The following AMMECR1 variants were observed in gnomAD, a reference collection of about 807,000 sequenced individuals.
AMMECR1 encodes nuclear protein AMMECR1.
A neutral mutation model predicts 22.5 loss-of-function variants in AMMECR1; 3 were observed. That is an observed-to-expected ratio of 0.13 (90% CI 0.06 to 0.35). The LOEUF is 0.35. Ranked by LOEUF, AMMECR1 falls within the 10% of genes least tolerant of loss-of-function variation. The pLI is 1.00. For missense variants in AMMECR1, 235 were observed against 278.7 expected, an observed-to-expected ratio of 0.84 and a Z score of 1.12; for synonymous variants, 130 against 116.7, an observed-to-expected ratio of 1.11 and a Z score of -0.74.
chrX:110,377,363 C>A (rs1411962564), intron 2 of AMMECR1, among the ~76,000 whole-genome samples: 1 of 111,662 alleles, frequency 9.0e-6, no homozygotes, highest in Non-Finnish European at 1.9e-5. Flanking sequence ...AGCGAAACAC[C>A]GATACCTACA....
intron 2 of AMMECR1, among the ~76,000 whole-genome samples, chrX:110,241,878 G>T (rs1479493293): frequency 8.9e-6 from 1 of 111,814 alleles, no homozygotes; most frequent in Non-Finnish European, 1.9e-5. Context: ...TAATCATTAT[G>T]AAATAAATAT....
At chrX:110,264,450 T>C (rs775144229) in intron 2 of AMMECR1, 39 bp downstream of exon 2, 1 of 813,465 alleles carries the variant, frequency 1.2e-6, no homozygotes, top group Non-Finnish European at 1.8e-6. Context: ...AGTTTTTTTT[T>C]TTAATGTAAA....
At chrX:110,416,880 C>G (rs2068681300) in intron 2 of AMMECR1, among the ~76,000 whole-genome samples, 1 of 111,543 alleles carries the variant, frequency 9.0e-6, no homozygotes, top group Non-Finnish European at 1.9e-5. Context: ...GATTTCAGAG[C>G]TGAACCTCTC....
chrX:110,343,439 G>C (rs1299500698), intron 2 of AMMECR1, among the ~76,000 whole-genome samples: 2 of 111,334 alleles, frequency 1.8e-5, no homozygotes, highest in East Asian at 5.6e-4. Context: ...GCACAAGACA[G>C]GGATGCCCTC....
chrX:110,284,065 G>A (rs1399584664), intron 1 of AMMECR1, among the ~76,000 whole-genome samples: 1 of 111,361 alleles, frequency 9.0e-6, no homozygotes, highest in African/African-American at 3.3e-5. Context: ...GGCGGCGGTT[G>A]CGGTGAGCTG....
intron 2 of AMMECR1, among the ~76,000 whole-genome samples, chrX:110,378,744 C>T (rs778342589): frequency 8.9e-6 from 1 of 111,843 alleles, no homozygotes; most frequent in African/African-American, 3.3e-5. Flanking sequence ...CACATGCCAC[C>T]AATTTCATTT....
chrX:110,257,903 A>G (rs2067718757), intron 2 of AMMECR1, among the ~76,000 whole-genome samples: 1 of 111,870 alleles, frequency 8.9e-6, no homozygotes, highest in African/African-American at 3.2e-5. Flanking sequence ...TTAAAAGGGG[A>G]AACAGCCTCG....
intron 2 of AMMECR1, among the ~76,000 whole-genome samples, chrX:110,358,546 T>G (rs905926986): frequency 2.7e-5 from 3 of 111,049 alleles, no homozygotes; most frequent in African/African-American, 9.8e-5. Context: ...GACCTTGGAT[T>G]TGTCCAAGGT....
chrX:110,321,563 ATAGT>A (rs1402192076), upstream of AMMECR1, among the ~76,000 whole-genome samples: 17 of 111,927 alleles, frequency 1.5e-4, no homozygotes, highest in Admixed American at 3.8e-4. Context: ...ATTAAACCCA[ATAGT>A]TAGTTAATAT....
Position 110,356,369 on chromosome X carries a change from G to A in AMMECR1, c.-147-38520C>T, listed in dbSNP as rs1020920195. On this transcript the variant is annotated intron_variant, in intron 2 of 7. Coordinates refer to the AMMECR1 transcript ENST00000372057. ...GGGGTTTCACCATGTTGGCCAGGCTGGTCTCAAACTCCTGACCTTAGGTGA... is the reference window on the plus strand; with the variant it reads ...GGGGTTTCACCATGTTGGCCAGGCTAGTCTCAAACTCCTGACCTTAGGTGA... Among the ~76,000 whole-genome samples the A allele has an allele frequency of 4.6e-5, 5 of 109,260 alleles. No individual in the cohort carries two copies. In the Admixed American group the frequency reaches 4.9e-4, roughly 11 times the overall value. The allele number at this position is 109,260 out of a possible 115,157, so 94.9% of individuals were successfully genotyped here. A position where few individuals can be genotyped will look rare whatever the true frequency, so the allele number is the denominator to read the frequency against.
At chrX:110,251,339 C>A (rs1327640104) in intron 2 of AMMECR1, among the ~76,000 whole-genome samples, 4 of 111,550 alleles carry the variant, frequency 3.6e-5, no homozygotes, top group Non-Finnish European at 7.5e-5. Context: ...AATGAGCAAG[C>A]TGAGTCTTGA....
intron 1 of AMMECR1, among the ~76,000 whole-genome samples, chrX:110,294,132 G>A (rs767914113): frequency 2.4e-4 from 27 of 111,735 alleles, no homozygotes; most frequent in Non-Finnish European, 4.7e-4. Context: ...GCTTAAAATA[G>A]TACAGTGGAT....
intron 2 of AMMECR1, among the ~76,000 whole-genome samples, chrX:110,240,383 CAAA>C (rs201985833): frequency 9.3e-5 from 1 of 10,792 alleles, no homozygotes; most frequent in Non-Finnish European, 1.7e-4. Context: ...AAATGGAAAG[CAAA>C]AAAAAAAAAA....
At chrX:110,252,577 G>A (rs886384149) in intron 2 of AMMECR1, among the ~76,000 whole-genome samples, 8 of 112,040 alleles carry the variant, frequency 7.1e-5, no homozygotes, top group Non-Finnish European at 1.5e-4. Context: ...CATTCAATAT[G>A]CACTCAATGA....
intron 2 of AMMECR1, among the ~76,000 whole-genome samples, chrX:110,347,063 G>GT (rs2068193529): frequency 8.8e-6 from 1 of 113,123 alleles, no homozygotes; most frequent in South Asian, 3.6e-4. Flanking sequence ...AGCAGGCAAT[G>GT]TGTGTATTGG....
chrX:110,320,159 T>C (rs1341419916), upstream of AMMECR1, among the ~76,000 whole-genome samples: 1 of 112,195 alleles, frequency 8.9e-6, no homozygotes, highest in Non-Finnish European at 1.9e-5. Flanking sequence ...TCTTTGTCAA[T>C]TACTAGTGGA....
chrX:110,295,028 T>A (rs974797022), intron 1 of AMMECR1, among the ~76,000 whole-genome samples: 33 of 106,454 alleles, frequency 3.1e-4, no homozygotes, highest in Middle Eastern at 4.8e-3. Flanking sequence ...ACCTCTATTT[T>A]AAAAAAAAAA....
At chrX:110,398,918 T>C (rs1206187760) in intron 2 of AMMECR1, among the ~76,000 whole-genome samples, 1 of 112,339 alleles carries the variant, frequency 8.9e-6, no homozygotes, top group Non-Finnish European at 1.9e-5. Context: ...TGAGAATGAT[T>C]CTAAATCTAT....
chrX:110,221,738 G>C (rs2067501205), intron 2 of AMMECR1, among the ~76,000 whole-genome samples: 1 of 111,216 alleles, frequency 9.0e-6, no homozygotes, highest in African/African-American at 3.3e-5. Context: ...AGGAAGAGAA[G>C]ATAGGAGAGA....
Sources: allele counts gnomAD v4.1 joint callset (sites outside exome capture counted in the v4.1 genomes callset), GRCh38; gene constraint gnomAD v4.1.1; transcripts MANE v1.5; gene names NCBI Gene and HGNC (gene_info 2026-07-23, HGNC 2026-07-21).